RGS7BP: variants seen among roughly 807,000 people sequenced by gnomAD.
RGS7BP encodes regulator of G protein signaling 7 binding protein.
RGS7BP carries 9 observed loss-of-function variants against 31.3 expected under a neutral mutation model. The ratio of observed to expected loss-of-function variants is 0.29; its 90% CI spans 0.17 to 0.50. RGS7BP has a LOEUF of 0.50. RGS7BP is among the 20% of genes least tolerant of loss of function. The pLI is 0.98. For missense variants in RGS7BP, 274 were observed against 322.0 expected (o/e 0.85, Z 1.14); for synonymous variants, 115 against 120.1 (o/e 0.96, Z 0.28).
At chr5:64,570,016 G>A (rs1025809322) in intron 2 of RGS7BP, among the ~76,000 whole-genome samples, 3 of 152,066 alleles carry the variant, frequency 2.0e-5, no homozygotes, top group African/African-American at 4.8e-5. Flanking sequence ...GACAAACCCC[G>A]AGTGTTTATC....
At chr5:64,540,593 AGTCAGAGAGT>A (rs1741503520) in intron 2 of RGS7BP, among the ~76,000 whole-genome samples, 1 of 152,226 alleles carries the variant, frequency 6.6e-6, no homozygotes, top group Admixed American at 6.5e-5. Context: ...GTAAAATACA[AGTCAGAGAGT>A]ATTACTATAT....
At chr5:64,608,153 C>G (rs1308106663) in intron 5 of RGS7BP, among the ~76,000 whole-genome samples, 1 of 151,956 alleles carries the variant, frequency 6.6e-6, no homozygotes, top group Admixed American at 6.6e-5. Context: ...ATCTTGTTGC[C>G]CTTAGCTCCA....
chr5:64,532,306 T>A (rs951448792), intron 2 of RGS7BP, among the ~76,000 whole-genome samples: 12 of 151,848 alleles, frequency 7.9e-5, no homozygotes, highest in Non-Finnish European at 1.3e-4. Flanking sequence ...TCCTTTTTTT[T>A]TTTTTCCTGG....
chr5:64,595,886 G>A (rs892200945), intron 4 of RGS7BP, among the ~76,000 whole-genome samples: 14 of 152,160 alleles, frequency 9.2e-5, no homozygotes, highest in African/African-American at 2.7e-4. Context: ...GAAAATTGGA[G>A]CATGTGGTAA....
intron 2 of RGS7BP, among the ~76,000 whole-genome samples, chr5:64,529,581 G>A (rs1231725790): frequency 6.6e-6 from 1 of 152,172 alleles, no homozygotes; most frequent in Non-Finnish European, 1.5e-5. Flanking sequence ...CCAATGTCTG[G>A]GTCCTACCCT....
At chr5:64,589,911 C>T (rs1175465132) in intron 3 of RGS7BP, among the ~76,000 whole-genome samples, 6 of 143,430 alleles carry the variant, frequency 4.2e-5, no homozygotes, top group Admixed American at 7.1e-5. Context: ...GGCAACAGAG[C>T]GAGACCCTGA....
intron 2 of RGS7BP, among the ~76,000 whole-genome samples, chr5:64,553,080 A>C (rs975866498): frequency 6.6e-6 from 1 of 151,792 alleles, no homozygotes; most frequent in Admixed American, 6.6e-5. Flanking sequence ...CTTGTTTTTT[A>C]GCCTGCCTTT....
chr5:64,528,679 TGC>T (rs1749292750), intron 2 of RGS7BP, among the ~76,000 whole-genome samples: 1 of 151,750 alleles, frequency 6.6e-6, no homozygotes, highest in Non-Finnish European at 1.5e-5. Context: ...GGTGTGGTGA[TGC>T]GAGCCTGTAA....
intron 2 of RGS7BP, among the ~76,000 whole-genome samples, chr5:64,538,546 CTTTTTTTTTTTTTTTT>C (rs1191560944): frequency 2.5e-5 from 1 of 40,026 alleles, no homozygotes; most frequent in Non-Finnish European, 4.2e-5. Flanking sequence ...TTTTCCTTTT[CTTTTTTTTTTTTTTTT>C]TTTTTTTTTT....
intron 2 of RGS7BP, among the ~76,000 whole-genome samples, chr5:64,522,644 A>G (rs1749135906): frequency 6.6e-6 from 1 of 152,272 alleles, no homozygotes; most frequent in South Asian, 2.1e-4. Context: ...TGTTCCTTCC[A>G]TAAAACAAGC....
intron 2 of RGS7BP, among the ~76,000 whole-genome samples, chr5:64,546,028 C>A (rs1338396636): frequency 6.6e-6 from 1 of 152,104 alleles, no homozygotes; most frequent in Non-Finnish European, 1.5e-5. Flanking sequence ...GTGGTGTGCA[C>A]CTGTAGTCCC....
chr5:64,572,006 TTGAC>T, intron 2 of RGS7BP, among the ~76,000 whole-genome samples: 1 of 152,196 alleles, frequency 6.6e-6, no homozygotes, highest in East Asian at 1.9e-4. Context: ...TAAAACATAT[TTGAC>T]TGAATTAAAT....
intron 2 of RGS7BP, among the ~76,000 whole-genome samples, chr5:64,537,255 T>C (rs1333705342): frequency 6.6e-6 from 1 of 152,160 alleles, no homozygotes; most frequent in Non-Finnish European, 1.5e-5. Context: ...TAATGATAGC[T>C]GATGAGCTAA....
At chr5:64,568,020 T>C (rs1310108184) in intron 2 of RGS7BP, among the ~76,000 whole-genome samples, 1 of 152,050 alleles carries the variant, frequency 6.6e-6, no homozygotes, top group African/African-American at 2.4e-5. Context: ...TGTGGAAACC[T>C]GTATGTTTCT....
At chr5:64,550,420 A>G (rs1481621278) in intron 2 of RGS7BP, among the ~76,000 whole-genome samples, 3 of 152,042 alleles carry the variant, frequency 2.0e-5, no homozygotes, top group Non-Finnish European at 4.4e-5. Flanking sequence ...CCCTCAGACT[A>G]GGGCCCCACC....
intron 2 of RGS7BP, among the ~76,000 whole-genome samples, chr5:64,524,139 T>C (rs1270998012): frequency 2.0e-5 from 3 of 151,754 alleles, no homozygotes; most frequent in South Asian, 2.1e-4. Context: ...TATTGTCAGA[T>C]GTCAATCTAC....
chr5:64,520,965 C>T (rs531340981), intron 2 of RGS7BP, among the ~76,000 whole-genome samples: 10 of 152,212 alleles, frequency 6.6e-5, no homozygotes, highest in Non-Finnish European at 7.3e-5. Flanking sequence ...AAAAACACTA[C>T]GACTTAAAAT....
At chr5:64,519,969 T>C (rs1486495605) in intron 2 of RGS7BP, among the ~76,000 whole-genome samples, 2 of 152,296 alleles carry the variant, frequency 1.3e-5, no homozygotes, top group African/African-American at 4.8e-5. Context: ...CTTTTGCCTT[T>C]TCCCTACGGT....
chr5:64,534,711 C>G (rs1316824444), intron 2 of RGS7BP, among the ~76,000 whole-genome samples: 1 of 152,142 alleles, frequency 6.6e-6, no homozygotes, highest in Non-Finnish European at 1.5e-5. Context: ...TTCCTTTCAG[C>G]ATCCATTAAT....
Sources: gnomAD v4.1 joint callset for allele counts (sites outside exome capture counted in the v4.1 genomes callset) on GRCh38, gnomAD v4.1.1 for gene constraint, MANE v1.5 for transcripts, NCBI Gene and HGNC (gene_info 2026-07-23, HGNC 2026-07-21) for gene names.